The following OARD1 variants were observed in gnomAD, a reference collection of about 807,000 sequenced individuals.
The protein encoded by OARD1 is O-acyl-ADP-ribose deacylase 1, also known as ADP-ribose glycohydrolase OARD1.
OARD1 carries 19 observed loss-of-function variants against 19.7 expected under a neutral mutation model. That is an observed-to-expected ratio of 0.96 (90% CI 0.67 to 1.41). The LOEUF (loss-of-function observed/expected upper bound fraction) is 1.41. OARD1 is among the 40% of genes most tolerant of loss of function. OARD1 has a pLI of 0.00. For missense variants in OARD1, 190 were observed against 183.8 expected, an observed-to-expected ratio of 1.03 and a Z score of -0.20; for synonymous variants, 70 against 61.8, an observed-to-expected ratio of 1.13 and a Z score of -0.62.
At chr6:41,092,580 A>G (rs1159753989) in intron 1 of OARD1, among the ~76,000 whole-genome samples, 1 of 152,014 alleles carries the variant, frequency 6.6e-6, no homozygotes, top group Non-Finnish European at 1.5e-5. Context: ...TGGTCTATCT[A>G]TTTTTGTGCT....
upstream of OARD1, among the ~76,000 whole-genome samples, chr6:41,073,522 C>T (rs1376070794): frequency 6.6e-6 from 1 of 152,092 alleles, no homozygotes; most frequent in African/African-American, 2.4e-5. Context: ...GCACTCTCCA[C>T]TCTCCGGCCC....
At chr6:41,089,791 C>T in intron 1 of OARD1, 1 of 1,528,080 alleles carries the variant, frequency 6.5e-7, no homozygotes, top group Non-Finnish European at 8.8e-7. Flanking sequence ...TCATGTATAG[C>T]ATGTATAGTA....
Position 41,067,341 on chromosome 6 carries a change from T to G in OARD1, c.453A>C (p.Thr151=). The change falls in exon 6 of 6, where the codon ACA becomes ACC. Residue 151 remains threonine, a synonymous_variant. Transcript: ENST00000424266. ...ATCCAAAATGTTCACTGGTTCAGAG[T>G]GTGTACACAGTAATTTTGATGTCTG... The part of the protein sequence containing the change: ...EATDIKITVY[T]L 2 of 1,599,630 alleles carry G rather than the reference T, an allele frequency of 1.3e-6. No homozygotes were observed. Among genetic ancestry groups the G allele is most frequent in the Non-Finnish European group, 1.7e-6 (2 of 1,166,992 alleles).
At chr6:41,094,434 A>C in intron 1 of OARD1, 1 of 1,614,222 alleles carries the variant, frequency 6.2e-7, no homozygotes, top group Non-Finnish European at 8.5e-7. Context: ...ATGCCATGGC[A>C]CGGAAGCGTG....
intron 1 of OARD1, among the ~76,000 whole-genome samples, chr6:41,092,689 C>T (rs180824180): frequency 1.2e-4 from 18 of 152,250 alleles, no homozygotes; most frequent in Non-Finnish European, 2.2e-4. Context: ...TATATAGTTT[C>T]TCAGAGTGGC....
chr6:41,094,348 T>C, intron 1 of OARD1: 1 of 1,516,952 alleles, frequency 6.6e-7, no homozygotes, highest in South Asian at 1.1e-5. Context: ...ATAACTGTGC[T>C]GGTTCTGGAT....
At chr6:41,092,830 A>T in intron 1 of OARD1, 1 of 1,457,618 alleles carries the variant, frequency 6.9e-7, no homozygotes, top group South Asian at 1.4e-5. Context: ...TTTACAAAAA[A>T]AATGGATGAA....
chr6:41,073,273 A>G (rs1392969045), upstream of OARD1, among the ~76,000 whole-genome samples: 1 of 151,180 alleles, frequency 6.6e-6, no homozygotes, highest in Non-Finnish European at 1.5e-5. Context: ...CTCCCGGCCG[A>G]GGCCTGCAGG....
intron 1 of OARD1, among the ~76,000 whole-genome samples, chr6:41,092,354 T>A (rs1422458602): frequency 6.6e-6 from 1 of 152,168 alleles, no homozygotes; most frequent in Non-Finnish European, 1.5e-5. Context: ...TAGAGAGACC[T>A]CGTTTCTACG....
rs1764392241 is a variant in OARD1, at chr6:41,097,415, A to G, written c.-42+298T>C. 5 of 1,613,794 alleles carry G rather than the reference A, an allele frequency of 3.1e-6. No homozygotes were observed. The East Asian group carries it at 8.9e-5, about 29-fold the overall frequency. ...CAGATCATCCGAGTGTCCTAACCCC[A>G]CGCCATGTGATGGAGCTGATCAAGG... On this transcript the variant is annotated intron_variant, in intron 1 of 4. Coordinates refer to the OARD1 transcript ENST00000480585.
At chr6:41,077,155 G>A (rs956414182), upstream of OARD1, among the ~76,000 whole-genome samples, 1 of 152,154 alleles carries the variant, frequency 6.6e-6, no homozygotes, top group Non-Finnish European at 1.5e-5. Flanking sequence ...ATATAAGAAG[G>A]AAATTTGGAG....
intron 1 of OARD1, among the ~76,000 whole-genome samples, chr6:41,078,480 C>CT (rs1217552172): frequency 2.0e-5 from 3 of 151,840 alleles, no homozygotes; most frequent in African/African-American, 4.8e-5. Context: ...CGATTGCTAA[C>CT]TTATATCATT....
At chr6:41,079,232 G>T in intron 1 of OARD1, 1 of 1,443,784 alleles carries the variant, frequency 6.9e-7, no homozygotes, top group Non-Finnish European at 9.7e-7. Context: ...CAATTGGTTG[G>T]TCTATTGCCC....
At chr6:41,083,844 CT>C in intron 1 of OARD1, among the ~76,000 whole-genome samples, 1 of 152,272 alleles carries the variant, frequency 6.6e-6, no homozygotes, top group East Asian at 1.9e-4. Flanking sequence ...TATGTCTGAC[CT>C]TAAAGTATTG....
chr6:41,082,940 T>C (rs890038976), intron 1 of OARD1, among the ~76,000 whole-genome samples: 1 of 152,144 alleles, frequency 6.6e-6, no homozygotes, highest in Non-Finnish European at 1.5e-5. Context: ...GTGGCGGCGG[T>C]GGTGGTGGTG....
chr6:41,070,891 G>A (rs1368036982), intron 3 of OARD1: 1 of 603,116 alleles, frequency 1.7e-6, no homozygotes, highest in East Asian at 2.7e-5. Context: ...TCAAGTTTCA[G>A]AGAAGTACAG....
upstream of OARD1, chr6:41,072,890 A>T (rs531519219): frequency 2.0e-5 from 3 of 152,926 alleles, no homozygotes; most frequent in Admixed American, 6.6e-5. Flanking sequence ...CCTGAACTGG[A>T]GTTAGTGGGC....
chr6:41,073,659 G>T (rs1454215446), upstream of OARD1, among the ~76,000 whole-genome samples: 1 of 152,018 alleles, frequency 6.6e-6, no homozygotes, highest in African/African-American at 2.4e-5. Flanking sequence ...CGCGGCCGCG[G>T]GGTCCCGTGT....
chr6:41,079,316 A>G, intron 1 of OARD1: 1 of 679,566 alleles, frequency 1.5e-6, no homozygotes, highest in Non-Finnish European at 2.5e-6. Flanking sequence ...TGCCATGTCT[A>G]GCCCATGACC....
Sources: allele counts gnomAD v4.1 joint callset (sites outside exome capture counted in the v4.1 genomes callset), GRCh38; gene constraint gnomAD v4.1.1; transcripts MANE v1.5; gene names NCBI Gene and HGNC (gene_info 2026-07-23, HGNC 2026-07-21).